PIK3R1: variants seen among roughly 807,000 people sequenced by gnomAD.
PIK3R1 encodes phosphoinositide-3-kinase regulatory subunit 1.
Under a neutral mutation model 98.0 loss-of-function variants are expected in PIK3R1, and 29 were observed. That is an observed-to-expected ratio of 0.30 (90% CI 0.22 to 0.40). The LOEUF is 0.40. Ranked by LOEUF, PIK3R1 falls within the 10% of genes least tolerant of loss-of-function variation. The pLI is 1.00. For missense variants in PIK3R1, 596 were observed against 872.7 expected (o/e 0.68, Z 3.99); for synonymous variants, 282 against 311.8 (o/e 0.90, Z 1.01).
rs780808694 is a variant in PIK3R1 at position 68,297,448 on chromosome 5, A to C, written c.2022A>C (p.Lys674Asn). 6.2e-7 allele frequency: 1 copy of C among 1,614,198 alleles called. No individual in the cohort carries two copies. The highest frequency in any genetic ancestry group is 8.5e-7 in the Non-Finnish European group (1 of 1,180,010). Residue 674 changes from lysine (K) to asparagine (N), a missense_variant, in exon 16 of 16, where the codon AAA becomes AAC. Coordinates refer to ENST00000521381, the MANE Select transcript of PIK3R1 (RefSeq NM_181523.3). ...DGEVKHCVIN[K>N]TATGYGFAEP... is the part of the protein sequence containing the mutation. ...AAGTAAAGCATTGTGTCATAAACAA[A>C]ACAGCAACTGGCTATGGCTTTGCCG...
intron 2 of PIK3R1, among the ~76,000 whole-genome samples, chr5:68,272,231 T>A (rs1356921285): frequency 7.3e-6 from 1 of 137,518 alleles, no homozygotes; most frequent in Non-Finnish European, 1.5e-5. Flanking sequence ...CCAGCCTGGG[T>A]GACAGAGCGA....
intron 2 of PIK3R1, among the ~76,000 whole-genome samples, chr5:68,253,655 A>C (rs899182470): frequency 2.0e-5 from 3 of 152,214 alleles, no homozygotes; most frequent in African/African-American, 7.2e-5. Flanking sequence ...TAAGTCAGGC[A>C]AGATGCCCCC....
At chr5:68,217,854 T>A (rs183333446) in intron 1 of PIK3R1, 1 of 152,220 alleles carries the variant, frequency 6.6e-6, no homozygotes, top group Non-Finnish European at 1.5e-5. Flanking sequence ...ATTTTTATGA[T>A]TGGGAGAAAG....
chr5:68,292,164 A>G, intron 7 of PIK3R1, 95 bp from the exon 8 acceptor site: 1 of 698,686 alleles, frequency 1.4e-6, no homozygotes, highest in South Asian at 2.0e-5. Flanking sequence ...CAGTTACTCT[A>G]ACTTTTTATT....
intron 5 of PIK3R1, among the ~76,000 whole-genome samples, 172 bp downstream of exon 5, chr5:68,279,905 C>G (rs1351178222): frequency 1.3e-5 from 2 of 152,194 alleles, no homozygotes; most frequent in Non-Finnish European, 2.9e-5. Context: ...CAAGAGAAGA[C>G]CCAGATTCTC....
At chr5:68,235,553 T>TA (rs1236322216) in intron 2 of PIK3R1, among the ~76,000 whole-genome samples, 3 of 152,194 alleles carry the variant, frequency 2.0e-5, no homozygotes, top group African/African-American at 7.2e-5. Flanking sequence ...GTGGCATCAT[T>TA]AATGCATAAT....
At chr5:68,252,385 G>T (rs367785527) in intron 2 of PIK3R1, among the ~76,000 whole-genome samples, 1 of 135,466 alleles carries the variant, frequency 7.4e-6, no homozygotes. Context: ...AAAAAAAAAA[G>T]TGGGGGGATC....
At chr5:68,252,846 G>A (rs1580204224) in intron 2 of PIK3R1, among the ~76,000 whole-genome samples, 1 of 152,080 alleles carries the variant, frequency 6.6e-6, no homozygotes, top group Non-Finnish European at 1.5e-5. Flanking sequence ...GTAAAACCCC[G>A]CTGCCATCCA....
chr5:68,276,259 C>T (rs1359957150), intron 4 of PIK3R1, among the ~76,000 whole-genome samples: 1 of 152,154 alleles, frequency 6.6e-6, no homozygotes, highest in African/African-American at 2.4e-5. Context: ...GAGCTTGTCC[C>T]GTGCATTGTG....
chr5:68,217,762 T>C (rs1743956967), intron 1 of PIK3R1: 2 of 152,146 alleles, frequency 1.3e-5, no homozygotes, highest in African/African-American at 4.8e-5. Context: ...AACTGCTGGG[T>C]ATTGTCACTG....
At chr5:68,272,357 T>A (rs1746399147) in intron 2 of PIK3R1, among the ~76,000 whole-genome samples, 1 of 152,138 alleles carries the variant, frequency 6.6e-6, no homozygotes, top group African/African-American at 2.4e-5. Flanking sequence ...TTGCAAATAT[T>A]TAGTCTTTCT....
chr5:68,279,431 C>T (rs1746722859), intron 4 of PIK3R1, among the ~76,000 whole-genome samples, 171 bp from the exon 5 acceptor site: 1 of 152,052 alleles, frequency 6.6e-6, no homozygotes, highest in Admixed American at 6.5e-5. Flanking sequence ...CCCGGAGCAA[C>T]CCCTACAAGA....
At chr5:68,233,906 A>T (rs757536403) in intron 2 of PIK3R1, among the ~76,000 whole-genome samples, 59 of 152,074 alleles carry the variant, frequency 3.9e-4, no homozygotes, top group Non-Finnish European at 6.6e-4. Context: ...GGTGTTTGCG[A>T]TGTATTTGTA....
chr5:68,227,826 G>A (rs919872935), intron 2 of PIK3R1, among the ~76,000 whole-genome samples: 1 of 152,136 alleles, frequency 6.6e-6, no homozygotes, highest in Admixed American at 6.5e-5. Context: ...TCATGAGGGG[G>A]AAGAAAAATT....
intron 2 of PIK3R1, among the ~76,000 whole-genome samples, chr5:68,244,711 G>A (rs977817933): frequency 2.6e-5 from 4 of 151,620 alleles, no homozygotes; most frequent in Non-Finnish European, 4.4e-5. Context: ...TTCTTCCTTC[G>A]TTTTGGAATG....
chr5:68,289,313 A>G (rs1042032827), intron 7 of PIK3R1, among the ~76,000 whole-genome samples: 22 of 152,142 alleles, frequency 1.4e-4, no homozygotes, highest in African/African-American at 5.3e-4. Context: ...AGAGGGTGGG[A>G]AGAGACAAGG....
At chr5:68,288,456 C>G (rs1197701706) in intron 7 of PIK3R1, 5 of 1,285,888 alleles carry the variant, frequency 3.9e-6, no homozygotes, top group Non-Finnish European at 4.9e-6. Context: ...AATGAGGAGC[C>G]GGCAGTGAGC....
chr5:68,284,819 A>T (rs1263083177), intron 7 of PIK3R1, among the ~76,000 whole-genome samples: 1 of 152,068 alleles, frequency 6.6e-6, no homozygotes, highest in Admixed American at 6.6e-5. Flanking sequence ...ATAGTAATAC[A>T]TCAACACATC....
intron 2 of PIK3R1, among the ~76,000 whole-genome samples, chr5:68,242,114 G>A (rs1442596759): frequency 6.6e-6 from 1 of 152,216 alleles, no homozygotes; most frequent in Non-Finnish European, 1.5e-5. Flanking sequence ...ATTCCATTTA[G>A]GCAAAAGTGT....
Sources: gnomAD v4.1 joint callset for allele counts (sites outside exome capture counted in the v4.1 genomes callset) on GRCh38, gnomAD v4.1.1 for gene constraint, MANE v1.5 for transcripts, NCBI Gene and HGNC (gene_info 2026-07-23, HGNC 2026-07-21) for gene names.